Variants in WIPF3 observed in about 807,000 individuals in gnomAD.
WIPF3 encodes the protein WAS/WASL interacting protein family member 3.
In WIPF3, 33 loss-of-function variants were observed where a neutral mutation model predicts 38.9. The ratio of observed to expected loss-of-function variants is 0.85; its 90% CI spans 0.64 to 1.14. The LOEUF (loss-of-function observed/expected upper bound fraction) is 1.14. Among genes scored for constraint, WIPF3 ranks in the 50% most tolerant of loss-of-function variants. The probability of loss-of-function intolerance (pLI) is 0.00; values close to 1 mark genes in which losing one functional copy is unlikely to be tolerated. For missense variants in WIPF3, 711 were observed against 652.5 expected (o/e 1.09, Z -0.98); for synonymous variants, 324 against 269.3 (o/e 1.20, Z -1.99).
Position 29,878,879 on chromosome 7 carries a change from C to A in WIPF3, c.224-130C>A. ...GGGAGGATGCTGAGTGAAAGGATGA[C>A]ATTGGAGGTGGGAGAATGGGAAGGC... On this transcript the variant is annotated intron_variant, in intron 3 of 8. Transcript: ENST00000242140. This position sits in a 1 kb window ranked among gnomAD's most constrained non-coding sequence, Gnocchi z 4.0. 1 of 1,067,776 alleles carries A rather than the reference C, an allele frequency of 9.4e-7. No individual in the cohort carries two copies. The highest frequency in any genetic ancestry group is 1.3e-6 in the Non-Finnish European group (1 of 745,450). 66.1% of individuals were successfully genotyped at this position (1,067,776 alleles called of 1,614,324 possible). A position where few individuals can be genotyped will look rare whatever the true frequency, so the allele number is the denominator to read the frequency against.
intron 3 of WIPF3, among the ~76,000 whole-genome samples, chr7:29,876,858 G>C (rs1785608129): frequency 6.6e-6 from 1 of 152,142 alleles, no homozygotes; most frequent in Non-Finnish European, 1.5e-5. Context: ...ATTGAGTTCT[G>C]GTTCTGCAAC....
intron 1 of WIPF3, among the ~76,000 whole-genome samples, chr7:29,809,922 T>G (rs1240111746): frequency 6.6e-6 from 1 of 152,170 alleles, no homozygotes; most frequent in Non-Finnish European, 1.5e-5. Flanking sequence ...GCATCTAGGA[T>G]GGTGGCATCC....
At chr7:29,913,971 AG>A (rs1269296045) in intron 8 of WIPF3, among the ~76,000 whole-genome samples, 1 of 152,250 alleles carries the variant, frequency 6.6e-6, no homozygotes. Flanking sequence ...ACAGTCAAGA[AG>A]ATCTTTGTAT....
chr7:29,838,029 C>T (rs1287488101), intron 2 of WIPF3, among the ~76,000 whole-genome samples: 2 of 152,188 alleles, frequency 1.3e-5, no homozygotes, highest in Non-Finnish European at 2.9e-5. Flanking sequence ...CACCATTCTC[C>T]TGCCTCAGCC....
intron 2 of WIPF3, among the ~76,000 whole-genome samples, chr7:29,857,952 A>T (rs1785212842): frequency 6.6e-6 from 1 of 152,152 alleles, no homozygotes; most frequent in African/African-American, 2.4e-5. Context: ...TGGTTGTTGC[A>T]GCATGAACCT....
intron 2 of WIPF3, among the ~76,000 whole-genome samples, chr7:29,868,401 A>G (rs6975569): frequency 1.3e-5 from 2 of 152,112 alleles, no homozygotes; most frequent in African/African-American, 2.4e-5. Flanking sequence ...CATTTTGAGA[A>G]GAGGAGTTAA....
intron 3 of WIPF3, among the ~76,000 whole-genome samples, chr7:29,876,989 C>A (rs1041214190): frequency 2.0e-5 from 3 of 152,004 alleles, no homozygotes; most frequent in Non-Finnish European, 2.9e-5. Context: ...ATGCAGAACT[C>A]TTTAGTACAG....
At chr7:29,870,322 CTCTG>C (rs1450198289) in intron 2 of WIPF3, among the ~76,000 whole-genome samples, 3 of 152,160 alleles carry the variant, frequency 2.0e-5, no homozygotes, top group African/African-American at 7.2e-5. Context: ...ATAAAGATTA[CTCTG>C]TCTGTTGTGT....
At chr7:29,902,893 A>G (rs1233432641) in intron 7 of WIPF3, among the ~76,000 whole-genome samples, 1 of 152,116 alleles carries the variant, frequency 6.6e-6, no homozygotes, top group East Asian at 1.9e-4. Flanking sequence ...TACCACTTAG[A>G]AGGAAACATT....
At chr7:29,842,084 C>T (rs1784922743) in intron 2 of WIPF3, among the ~76,000 whole-genome samples, 1 of 152,218 alleles carries the variant, frequency 6.6e-6, no homozygotes, top group African/African-American at 2.4e-5. Flanking sequence ...TAACCATGGG[C>T]AGTGCACTCT....
chr7:29,880,166 T>G (rs1244978385), intron 4 of WIPF3, among the ~76,000 whole-genome samples: 2 of 152,246 alleles, frequency 1.3e-5, no homozygotes, highest in African/African-American at 4.8e-5. Context: ...CTGTTTTTCC[T>G]ATTCTTGTTC....
intron 7 of WIPF3, among the ~76,000 whole-genome samples, chr7:29,890,577 G>A (rs538754724): frequency 2.6e-5 from 4 of 152,328 alleles, no homozygotes; most frequent in African/African-American, 7.2e-5. Flanking sequence ...ACCAGGAATC[G>A]TGAGCCAGGC....
At chr7:29,852,318 C>A (rs1333627266) in intron 2 of WIPF3, among the ~76,000 whole-genome samples, 1 of 152,208 alleles carries the variant, frequency 6.6e-6, no homozygotes, top group Non-Finnish European at 1.5e-5. Flanking sequence ...ACATGTTCTT[C>A]AAAGGCTGGG....
chr7:29,845,142 G>A (rs1189659716), intron 2 of WIPF3, among the ~76,000 whole-genome samples: 2 of 151,060 alleles, frequency 1.3e-5, no homozygotes, highest in African/African-American at 4.9e-5. Context: ...TATTGTCCTC[G>A]GAATAAAACT....
intron 7 of WIPF3, among the ~76,000 whole-genome samples, chr7:29,898,892 A>G (rs1243847999): frequency 1.3e-5 from 2 of 152,128 alleles, no homozygotes; most frequent in Non-Finnish European, 2.9e-5. Flanking sequence ...CCGTCTCCCT[A>G]CTTTCTCTTG....
At chr7:29,847,564 T>C (rs1785020471) in intron 2 of WIPF3, among the ~76,000 whole-genome samples, 1 of 152,170 alleles carries the variant, frequency 6.6e-6, no homozygotes, top group African/African-American at 2.4e-5. Context: ...TGTGGAAATA[T>C]GATTAGACAA....
At chr7:29,887,948 C>A in intron 5 of WIPF3, 120 bp from the exon 6 acceptor site, 4 of 1,280,216 alleles carry the variant, frequency 3.1e-6, no homozygotes, top group Non-Finnish European at 4.3e-6. Context: ...CCAGAGGTTG[C>A]CCTTTTACTC....
Position 29,915,142 on chromosome 7 carries a change from G to C in WIPF3, c.*626G>C, listed in dbSNP as rs1489157039. On this transcript the variant is annotated 3_prime_UTR_variant, in exon 9 of 9. Transcript: ENST00000242140. ...GTAATACATCACAAAGTAAAGGCAAGAGTGGGCTTGGCCCTCCGATGCCAA... is the reference window on the plus strand; with the variant it reads ...GTAATACATCACAAAGTAAAGGCAACAGTGGGCTTGGCCCTCCGATGCCAA... 1 of 130,336 alleles carries C rather than the reference G, an allele frequency of 7.7e-6. No individual in the cohort carries two copies. The highest frequency in any genetic ancestry group is 1.5e-5 in the Non-Finnish European group (1 of 64,534). 8.1% of individuals were successfully genotyped at this position (130,336 alleles called of 1,614,324 possible).
intron 7 of WIPF3, among the ~76,000 whole-genome samples, chr7:29,891,961 C>T (rs1786033507): frequency 6.6e-6 from 1 of 152,176 alleles, no homozygotes; most frequent in Non-Finnish European, 1.5e-5. Flanking sequence ...CCACGTGGTA[C>T]ATCAGAGCCC....
Sources: allele counts gnomAD v4.1 joint callset (sites outside exome capture counted in the v4.1 genomes callset), GRCh38; gene constraint gnomAD v4.1.1; non-coding constraint Gnocchi (gnomAD v3.1); transcripts MANE v1.5; gene names NCBI Gene and HGNC (gene_info 2026-07-23, HGNC 2026-07-21).